Variants in ADAM33 observed in about 807,000 individuals in gnomAD.
ADAM33 encodes disintegrin and metalloproteinase domain-containing protein 33.
In ADAM33, 103 loss-of-function variants were observed where a neutral mutation model predicts 106.2. The ratio of observed to expected loss-of-function variants is 0.97; its 90% CI spans 0.83 to 1.14. ADAM33 has a LOEUF of 1.14. Ranked by LOEUF, ADAM33 falls within the 50% of genes most tolerant of loss-of-function variation. The probability of loss-of-function intolerance (pLI) is 0.00; values close to 1 mark genes in which losing one functional copy is unlikely to be tolerated. For synonymous variants in ADAM33, 483 were observed against 453.0 expected (o/e 1.07, Z -0.84); for missense variants, 1,120 against 1,096.6 (o/e 1.02, Z -0.30).
Position 3,677,051 on chromosome 20 carries a change from C to G in ADAM33, c.254+16G>C. 1 of 1,612,044 alleles carries G rather than the reference C, an allele frequency of 6.2e-7. No homozygotes were observed. The highest frequency in any genetic ancestry group is 1.1e-5 in the South Asian group (1 of 91,062). On this transcript the variant is annotated intron_variant, in intron 3 of 21. Coordinates refer to ENST00000356518, the MANE Select transcript of ADAM33 (RefSeq NM_025220.5). ...CTGATCCCCTCCTCCCAGCCCTACCCCAGCCTGGCACTCACTGGTTCTTCT... is the reference window on the plus strand; with the variant it reads ...CTGATCCCCTCCTCCCAGCCCTACCGCAGCCTGGCACTCACTGGTTCTTCT...
chr20:3,672,035 C>A, intron 14 of ADAM33, 50 bp from the exon 15 acceptor site: 1 of 1,553,632 alleles, frequency 6.4e-7, no homozygotes, highest in South Asian at 1.2e-5. Context: ...GGGCTGCGCT[C>A]AGCGGGCCTC....
chr20:3,679,220 G>T (rs538018507), intron 2 of ADAM33, among the ~76,000 whole-genome samples: 34 of 151,188 alleles, frequency 2.2e-4, no homozygotes, highest in Admixed American at 2.2e-3. Context: ...GGGGGTGGGG[G>T]TGGCCCAGAT....
At chr20:3,679,948 G>A (rs932563580) in intron 1 of ADAM33, among the ~76,000 whole-genome samples, 1 of 152,164 alleles carries the variant, frequency 6.6e-6, no homozygotes, top group Non-Finnish European at 1.5e-5. Flanking sequence ...GGCAGCAGAT[G>A]CCTTTAGGGT....
At chr20:3,670,022 C>A in intron 19 of ADAM33, 1 of 405,728 alleles carries the variant, frequency 2.5e-6, no homozygotes. Flanking sequence ...GATTCCAAGC[C>A]ATCTTTGACT....
rs562390090 is a variant in ADAM33, at chr20:3,672,772, G to A, written c.1260C>T (p.Cys420=). The change falls in exon 12 of 22, where the codon TGC becomes TGT. Residue 420 remains cysteine, a synonymous_variant. Transcript: ENST00000356518. ...DPGLPVPPAL[C]GNGFVEAGEE... ...CGCCCGCTTCCACGAAGCCGTTCCCGCAGAGCGCCGGCGGCACCGGGAGTC... is the reference window on the plus strand; with the variant it reads ...CGCCCGCTTCCACGAAGCCGTTCCCACAGAGCGCCGGCGGCACCGGGAGTC... 1.8e-5 allele frequency: 29 copies of A among 1,569,014 alleles called. No individual in the cohort carries two copies. Among genetic ancestry groups the A allele is most frequent in the Middle Eastern group, 2.1e-4 (1 of 4,804 alleles).
rs966141131 is a variant in ADAM33 at position 3,673,453 on chromosome 20, T to C, written c.1034A>G (p.His345Arg). 30 of 1,558,868 alleles carry C rather than the reference T, an allele frequency of 1.9e-5. No individual in the cohort carries two copies. The highest frequency in any genetic ancestry group is 2.5e-5 in the Non-Finnish European group (29 of 1,158,858). Residue 345 changes from histidine (H) to arginine (R), a missense_variant, in exon 11 of 22, where the codon CAT becomes CGT. Coordinates refer to ENST00000356518, the MANE Select transcript of ADAM33 (RefSeq NM_025220.5). ...LPIGAAATMA[H>R]EIGHSLGLSH... ...GAGGCCGAGGCTGTGGCCGATCTCA[T>C]GGGCCATGGTGGCTGCGGCGCCGAT...
rs1394816815 is a variant in ADAM33, at chr20:3,670,595, T to C, written c.2240+411A>G. 3 of 182,604 alleles carry C rather than the reference T, an allele frequency of 1.6e-5. No homozygotes were observed. The East Asian group carries it at 4.2e-4, about 25-fold the overall frequency. The allele number at this position is 182,604 out of a possible 1,614,324, so 11.3% of individuals were successfully genotyped here. A position where few individuals can be genotyped will look rare whatever the true frequency, so the allele number is the denominator to read the frequency against. ...AACTTCAAGGGGGTGACAGAGGTGA[T>C]TTGTGCAGAGGAAGTGGCAAAGGGC... On this transcript the variant is annotated intron_variant, in intron 19 of 21. Coordinates refer to ENST00000356518, the MANE Select transcript of ADAM33 (RefSeq NM_025220.5).
In ADAM33 at chr20:3,668,809, G is replaced by T; in HGVS notation, c.*154C>A. ...ATGTGGCTCTGGGTTCCTGGAGTGG[G>T]TGGGTCGAAGCTCCACTCGGGGAAG... is the stretch of plus-strand genomic sequence containing the variant. On this transcript the variant is annotated 3_prime_UTR_variant, in exon 22 of 22. Transcript: ENST00000356518. 1 of 868,540 alleles carries T rather than the reference G, an allele frequency of 1.2e-6. No homozygotes were observed. Among genetic ancestry groups the T allele is most frequent in the Non-Finnish European group, 1.9e-6 (1 of 525,650 alleles). The allele number at this position is 868,540 out of a possible 1,614,324, so 53.8% of individuals were successfully genotyped here.
intron 21 of ADAM33, 81 bp downstream of exon 21, chr20:3,669,218 G>A (rs977673172): frequency 1.3e-5 from 18 of 1,351,508 alleles, no homozygotes; most frequent in East Asian, 2.4e-5. Context: ...AACCTGATTA[G>A]GGGGCAGCAA....
In ADAM33 at chr20:3,673,872, G is replaced by GGCC. The variant is rs1259119169; in HGVS notation, c.775_777dup (p.Gly259dup). On this transcript the variant is annotated inframe_insertion, in exon 9 of 22. Transcript: ENST00000356518. ...CGGTCCCGCTCGGTCCACACCTCCA[G>GGCC]GCCGGTCAGCGCCACCTGAATGTCC... 1.3e-6 allele frequency: 2 copies of GGCC among 1,565,982 alleles called. No homozygotes were observed. Among genetic ancestry groups the GGCC allele is most frequent in the African/African-American group, 2.7e-5 (2 of 73,972 alleles).
chr20:3,669,402 A>G (rs1568794078), intron 20 of ADAM33, 32 bp from the exon 21 acceptor site: 2 of 1,591,188 alleles, frequency 1.3e-6, no homozygotes, highest in Non-Finnish European at 1.7e-6. Context: ...AAATGTTGTG[A>G]ATATGGTCAG....
chr20:3,681,897 C>G lies in ADAM33; in HGVS notation c.97+11G>C. 1.3e-6 allele frequency: 2 copies of G among 1,594,746 alleles called. No individual in the cohort carries two copies. Among genetic ancestry groups the G allele is most frequent in the Non-Finnish European group, 1.7e-6 (2 of 1,171,884 alleles). Reference sequence around the variant, plus strand: ...CCTGCCCCTCAGGGCGCACCCCGCCCGCGTCCTCACCTTGAAGCACCCCGG... The same window carrying G: ...CCTGCCCCTCAGGGCGCACCCCGCCGGCGTCCTCACCTTGAAGCACCCCGG... On this transcript the variant is annotated intron_variant, in intron 1 of 21. Coordinates refer to ENST00000356518, the MANE Select transcript of ADAM33 (RefSeq NM_025220.5).
At chr20:3,680,142 T>C (rs603112) in intron 1 of ADAM33, among the ~76,000 whole-genome samples, 130,790 of 152,074 alleles carry the variant, frequency 0.86, 56,435 homozygotes, top group Admixed American at 0.92. Context: ...GGGACGCTTC[T>C]GGACGGAGCC....
rs1193742474 is a variant in ADAM33 at position 3,673,876 on chromosome 20, G to A, written c.774C>T (p.Thr258=). The A allele has an allele frequency of 6.4e-7, 1 of 1,562,314 alleles. No homozygotes were observed. Among genetic ancestry groups the A allele is most frequent in the Non-Finnish European group, 8.6e-7 (1 of 1,161,638 alleles). ...LRTLDIQVAL[T]GLEVWTERDR... ...CCCGCTCGGTCCACACCTCCAGGCC[G>A]GTCAGCGCCACCTGAATGTCCAGAG... The change falls in exon 9 of 22, where the codon ACC becomes ACT. Residue 258 remains threonine, a synonymous_variant. Coordinates refer to ENST00000356518, the MANE Select transcript of ADAM33 (RefSeq NM_025220.5).
intron 3 of ADAM33, among the ~76,000 whole-genome samples, chr20:3,676,343 A>C (rs1754353730): frequency 4.6e-5 from 7 of 151,554 alleles, no homozygotes; most frequent in Non-Finnish European, 1.5e-5. Flanking sequence ...CTGTAGATGG[A>C]GACCTTCCAG....
intron 15 of ADAM33, 28 bp downstream of exon 15, chr20:3,671,849 G>A (rs888846627): frequency 5.2e-6 from 8 of 1,551,302 alleles, no homozygotes; most frequent in African/African-American, 2.7e-5. Flanking sequence ...CATAGCTTCT[G>A]CTCCCTCCAC....
rs1205122135 is a variant in ADAM33 at position 3,675,397 on chromosome 20, A to G, written c.255-292T>C. 6.6e-6 allele frequency among the ~76,000 whole-genome samples: 1 copy of G among 152,024 alleles called. No homozygotes were observed. Among genetic ancestry groups the G allele is most frequent in the Non-Finnish European group, 1.5e-5 (1 of 68,004 alleles). ...GGGAAGAGTTTGTGGTTCCCAGGGG[A>G]CCTGCAGCAGGCAGCAGGATCCACA... On this transcript the variant is annotated intron_variant, in intron 3 of 21. Transcript: ENST00000356518. This position sits in a 1 kb window ranked among gnomAD's most constrained non-coding sequence, Gnocchi z 4.1.
In ADAM33 at chr20:3,674,708, G is replaced by A. The variant is rs1354178118; in HGVS notation, c.411-15C>T. 6.3e-7 allele frequency: 1 copy of A among 1,599,434 alleles called. No individual in the cohort carries two copies. The highest frequency in any genetic ancestry group is 2.2e-5 in the East Asian group (1 of 44,696). On this transcript the variant is annotated splice_polypyrimidine_tract_variant and intron_variant, in intron 5 of 21. Coordinates refer to ENST00000356518, the MANE Select transcript of ADAM33 (RefSeq NM_025220.5). ...TGATCAGGCCACTAGGGTGCAGAGG[G>A]GTAGGAGCGGGTGTGAGGGAGCTCT...
chr20:3,681,856 C>T, intron 1 of ADAM33, 52 bp downstream of exon 1: 1 of 1,574,622 alleles, frequency 6.4e-7, no homozygotes, highest in South Asian at 1.2e-5. Context: ...ATCCCCGCCA[C>T]CACCACCGCG....
Sources: allele counts gnomAD v4.1 joint callset (sites outside exome capture counted in the v4.1 genomes callset), GRCh38; gene constraint gnomAD v4.1.1; non-coding constraint Gnocchi (gnomAD v3.1); transcripts MANE v1.5; gene names NCBI Gene and HGNC (gene_info 2026-07-23, HGNC 2026-07-21).